Variants in BZW2 observed in about 807,000 individuals in gnomAD.
BZW2 encodes eIF5-mimic protein 1.
A neutral mutation model predicts 53.2 loss-of-function variants in BZW2; 23 were observed. That is an observed-to-expected ratio of 0.43 (90% CI 0.31 to 0.61). The LOEUF is 0.61. Ranked by LOEUF, BZW2 falls within the 20% of genes least tolerant of loss-of-function variation. BZW2 has a pLI of 0.09. For synonymous variants in BZW2, 227 were observed against 186.4 expected, an observed-to-expected ratio of 1.22 and a Z score of -1.77; for missense variants, 409 against 503.1, an observed-to-expected ratio of 0.81 and a Z score of 1.79.
Position 16,684,824 on chromosome 7 carries a change from C to G in BZW2, c.406-1081C>G, listed in dbSNP as rs190191242. 1.8e-3 allele frequency among the ~76,000 whole-genome samples: 270 copies of G among 152,250 alleles called. 1 individual carries two copies. Among genetic ancestry groups the G allele is most frequent in the Non-Finnish European group, 3.5e-3 (237 of 68,004 alleles). On this transcript the variant is annotated intron_variant, in intron 5 of 11. Coordinates refer to ENST00000258761, the MANE Select transcript of BZW2 (RefSeq NM_014038.3). ...GAGAGGCAAATGGACTGGTTTGTTT[C>G]CAGTTCTGCCACTTTCACATAATGT...
Position 16,698,059 on chromosome 7 carries a change from C to T in BZW2, c.981C>T (p.Pro327=), listed in dbSNP as rs1035719877. ...CACTTCTGTTCTAGCAATATGCTCC[C>T]CTGCTGGCCGTGTTCAGCTCCCAAG... is the stretch of plus-strand genomic sequence containing the variant. The part of the protein sequence containing the change: ...QALKHLKQYA[P]LLAVFSSQGQ... The change falls in exon 10 of 12, where the codon CCC becomes CCT. Residue 327 remains proline (P), a synonymous_variant. Coordinates refer to ENST00000258761, the MANE Select transcript of BZW2 (RefSeq NM_014038.3). 1.2e-6 allele frequency: 2 copies of T among 1,613,998 alleles called. No homozygotes were observed. Among genetic ancestry groups the T allele is most frequent in the Non-Finnish European group, 1.7e-6 (2 of 1,179,990 alleles).
rs747219700 is a variant in BZW2, at chr7:16,698,141, C to T, written c.1063C>T (p.His355Tyr). 3 of 1,614,172 alleles carry T rather than the reference C, an allele frequency of 1.9e-6. No individual in the cohort carries two copies. Among genetic ancestry groups the T allele is most frequent in the Admixed American group, 1.7e-5 (1 of 60,024 alleles). Reference protein sequence around the residue: ...KVQEYCYDNIHFMKAFQKIVV... With the variant: ...KVQEYCYDNIYFMKAFQKIVV... ...TCAGGAATACTGCTACGACAACATC[C>T]ATTTCATGAAAGCCTTTCAGAAGAT... Residue 355 changes from histidine (H) to tyrosine (Y), a missense_variant, in exon 10 of 12, where the codon CAT becomes TAT. By Grantham distance (83) the His-to-Tyr change is moderately conservative. Around this residue, in one of 3 missense-constraint regions of BZW2, gnomAD observed 88 missense variants for 114.6 expected, o/e 0.77. Coordinates refer to ENST00000258761, the MANE Select transcript of BZW2 (RefSeq NM_014038.3).
chr7:16,651,778 C>T lies in BZW2; in HGVS notation c.-8+5490C>T, dbSNP rs187158581. 1.2e-4 allele frequency among the ~76,000 whole-genome samples: 18 copies of T among 152,234 alleles called. No homozygotes were observed. In the East Asian group the frequency reaches 3.1e-3, roughly 26 times the overall value. On this transcript the variant is annotated intron_variant, in intron 1 of 11. Transcript: ENST00000258761. ...TCTCTAAAGATAAATGCCTTTTCCC[C>T]CCCACCGCTTAATAGAACTCTATGG...
rs760062551 is a variant in BZW2 at position 16,674,573 on chromosome 7, G to A, written c.220G>A (p.Ala74Thr). The A allele has an allele frequency of 4.4e-6, 7 of 1,601,420 alleles. No homozygotes were observed. In the Admixed American group the frequency reaches 6.8e-5, roughly 16 times the overall value. ...YADTLFDILV[A>T]GSMLAPGGTR... Reference sequence around the variant, plus strand: ...AGACACACTCTTCGATATCCTGGTGGCTGGCAGTATGCTTGGTAAACCATG... The same window carrying A: ...AGACACACTCTTCGATATCCTGGTGACTGGCAGTATGCTTGGTAAACCATG... The change falls in exon 3 of 12, where the codon GCT becomes ACT. Residue 74 changes from alanine to threonine, a missense_variant. Coordinates refer to ENST00000258761, the MANE Select transcript of BZW2 (RefSeq NM_014038.3).
At chr7:16,671,707 G>C (rs986152353) in intron 2 of BZW2, among the ~76,000 whole-genome samples, 3 of 152,134 alleles carry the variant, frequency 2.0e-5, no homozygotes, top group African/African-American at 7.2e-5. Context: ...AAGGCAGGTG[G>C]ATCTTTTGAG....
At chr7:16,696,649 C>T (rs1228314410) in intron 8 of BZW2, among the ~76,000 whole-genome samples, 2 of 152,162 alleles carry the variant, frequency 1.3e-5, no homozygotes, top group African/African-American at 2.4e-5. Context: ...TATGAGGAAA[C>T]AAAAATCCTC....
At chr7:16,694,770 TG>T in intron 7 of BZW2, 63 bp from the exon 8 acceptor site, 1 of 1,308,718 alleles carries the variant, frequency 7.6e-7, no homozygotes, top group Non-Finnish European at 1.0e-6. Context: ...TGAAGACTTT[TG>T]TCCTTTATGC....
chr7:16,647,991 A>G (rs1052176372), intron 1 of BZW2, among the ~76,000 whole-genome samples: 1 of 152,228 alleles, frequency 6.6e-6, no homozygotes, highest in Non-Finnish European at 1.5e-5. Context: ...CTTGGTTGGT[A>G]TTTAGTGCTC....
chr7:16,668,430 A>T (rs543624282), intron 2 of BZW2, among the ~76,000 whole-genome samples: 5 of 152,180 alleles, frequency 3.3e-5, no homozygotes, highest in African/African-American at 1.2e-4. Context: ...CATATAACTC[A>T]TATCTCTTGG....
intron 1 of BZW2, among the ~76,000 whole-genome samples, chr7:16,663,869 T>C (rs1782339426): frequency 6.6e-6 from 1 of 152,198 alleles, no homozygotes; most frequent in African/African-American, 2.4e-5. Context: ...GAGCAGGCCT[T>C]ACATTTTTTC....
At position 16,694,849 on chromosome 7, in the gene BZW2, AACAG is replaced by A; in HGVS notation, c.673_676del (p.Gln225ValfsTer58). On this transcript the variant is annotated frameshift_variant, in exon 8 of 12. Coordinates refer to ENST00000258761, the MANE Select transcript of BZW2 (RefSeq NM_014038.3). LOFTEE classifies it high-confidence loss of function. ...CCTTTTTCAGGAACTCTTTCCAGTT[AACAG>A]ACAGAGTGTGGATCATTTTGCTAAA... 1.3e-6 allele frequency: 2 copies of A among 1,522,052 alleles called. No individual in the cohort carries two copies. The highest frequency in any genetic ancestry group is 9.0e-7 in the Non-Finnish European group (1 of 1,115,660). 94.3% of individuals were successfully genotyped at this position (1,522,052 alleles called of 1,614,324 possible).
chr7:16,701,217 C>T (rs1418301189), intron 10 of BZW2, among the ~76,000 whole-genome samples: 1 of 152,094 alleles, frequency 6.6e-6, no homozygotes, highest in Non-Finnish European at 1.5e-5. Flanking sequence ...AACAGTAAAT[C>T]CATTGCTAAC....
intron 2 of BZW2, among the ~76,000 whole-genome samples, chr7:16,668,926 A>G (rs1782516915): frequency 1.3e-5 from 2 of 152,240 alleles, no homozygotes; most frequent in South Asian, 2.1e-4. Flanking sequence ...ATCTGAAAAG[A>G]TGAAAATTTC....
chr7:16,648,242 A>AT (rs1781915341), intron 1 of BZW2, among the ~76,000 whole-genome samples: 1 of 152,260 alleles, frequency 6.6e-6, no homozygotes, highest in South Asian at 2.1e-4. Flanking sequence ...TTTATTGATA[A>AT]TAAGATAGCT....
chr7:16,705,198 AAC>A (rs1308232208), intron 11 of BZW2, among the ~76,000 whole-genome samples: 1 of 151,930 alleles, frequency 6.6e-6, no homozygotes, highest in Non-Finnish European at 1.5e-5. Context: ...CTCTATTAAA[AAC>A]ACAAAAAAAT....
At chr7:16,656,553 GCGCACACACA>G (rs1267427746) in intron 1 of BZW2, among the ~76,000 whole-genome samples, 1 of 119,854 alleles carries the variant, frequency 8.3e-6, no homozygotes, top group African/African-American at 3.8e-5. Context: ...CAGCGCGCGC[GCGCACACACA>G]CACACACACA....
At chr7:16,670,579 G>GA (rs1442814717) in intron 2 of BZW2, among the ~76,000 whole-genome samples, 1 of 152,192 alleles carries the variant, frequency 6.6e-6, no homozygotes, top group African/African-American at 2.4e-5. Context: ...TTATAGGAAA[G>GA]AAAATATCTT....
chr7:16,649,500 T>C (rs939275678), intron 1 of BZW2, among the ~76,000 whole-genome samples: 1 of 152,216 alleles, frequency 6.6e-6, no homozygotes, highest in African/African-American at 2.4e-5. Flanking sequence ...TGTGCACATG[T>C]TACAAATTTG....
At chr7:16,688,624 A>C (rs1023760866) in intron 6 of BZW2, 1 of 152,234 alleles carries the variant, frequency 6.6e-6, no homozygotes, top group Admixed American at 6.5e-5. Context: ...CTTAGGCCAC[A>C]TTATCATTAG....
Sources: allele counts gnomAD v4.1 joint callset (sites outside exome capture counted in the v4.1 genomes callset), GRCh38; gene constraint gnomAD v4.1.1; regional missense constraint gnomAD v4.1.1; transcripts MANE v1.5; gene names NCBI Gene and HGNC (gene_info 2026-07-23, HGNC 2026-07-21).